Variants in LMX1B observed in about 807,000 individuals in gnomAD.
LMX1B encodes the protein LIM homeobox transcription factor 1-beta.
Under a neutral mutation model 51.4 loss-of-function variants are expected in LMX1B, and 12 were observed. That is an observed-to-expected ratio of 0.23 (90% CI 0.15 to 0.38). The LOEUF is 0.38. Among genes scored for constraint, LMX1B ranks in the 10% least tolerant of loss-of-function variants. The pLI is 1.00. For synonymous variants in LMX1B, 237 were observed against 235.4 expected (o/e 1.01, Z -0.06); for missense variants, 445 against 571.1 (o/e 0.78, Z 2.25).
rs1032859554 is a variant in LMX1B, at chr9:126,613,930, C to G, written c.-520C>G. On this transcript the variant is annotated 5_prime_UTR_variant, in exon 1 of 8. Transcript: ENST00000373474. The surrounding 1 kb of genome is among the most constrained non-coding windows in gnomAD (Gnocchi z 4.5). ...GCGGCCCGTATCCCTCCGCCGCCAG[C>G]CCCAGCTCTAAACCCGGCGGCTCAG... Among the ~76,000 whole-genome samples, 11 of 146,872 alleles carry G rather than the reference C, an allele frequency of 7.5e-5. No individual in the cohort carries two copies. The highest frequency in any genetic ancestry group is 2.0e-4 in the African/African-American group (8 of 40,948).
At chr9:126,645,064 G>A (rs923109042) in intron 2 of LMX1B, among the ~76,000 whole-genome samples, 6 of 152,174 alleles carry the variant, frequency 3.9e-5, no homozygotes, top group Middle Eastern at 3.2e-3. Context: ...GTCCTGCCAC[G>A]CTGTGTTGTT....
intron 2 of LMX1B, among the ~76,000 whole-genome samples, chr9:126,675,822 G>A (rs1007722352): frequency 2.0e-5 from 3 of 151,336 alleles, no homozygotes; most frequent in African/African-American, 7.3e-5. Flanking sequence ...GGCCGAGGCG[G>A]GCGGATCACG....
chr9:126,689,460 G>A (rs1039698804), intron 2 of LMX1B, among the ~76,000 whole-genome samples: 2 of 152,254 alleles, frequency 1.3e-5, no homozygotes, highest in Admixed American at 6.5e-5. Context: ...GGTGGCGCCC[G>A]CAGACATGGC....
In LMX1B at chr9:126,700,324, T is replaced by A. The variant is rs2030497232; in HGVS notation, c.*3873T>A. 1 of 152,196 alleles carries A rather than the reference T, an allele frequency of 6.6e-6. No individual in the cohort carries two copies. The highest frequency in any genetic ancestry group is 6.5e-5 in the Admixed American group (1 of 15,286). 9.4% of individuals were successfully genotyped at this position (152,196 alleles called of 1,614,324 possible). ...GGGAAGGCCCTGGCGCTGCATCAGA[T>A]GAGCAGGGCCTGGCAGGGACAAGCC... is the stretch of plus-strand genomic sequence containing the variant. On this transcript the variant is annotated 3_prime_UTR_variant, in exon 8 of 8. Transcript: ENST00000373474.
intron 3 of LMX1B, among the ~76,000 whole-genome samples, chr9:126,692,629 T>C (rs1240001358): frequency 4.6e-5 from 7 of 152,242 alleles, no homozygotes. Context: ...TGAGTGTGCA[T>C]CTTACGAGTG....
intron 2 of LMX1B, among the ~76,000 whole-genome samples, chr9:126,646,760 C>T (rs968161669): frequency 6.6e-6 from 1 of 152,210 alleles, no homozygotes; most frequent in Non-Finnish European, 1.5e-5. Context: ...CTGTGCAGAC[C>T]CTGCCCTTTC....
chr9:126,638,943 G>C (rs1463615057), intron 2 of LMX1B, among the ~76,000 whole-genome samples: 1 of 152,096 alleles, frequency 6.6e-6, no homozygotes, highest in South Asian at 2.1e-4. Flanking sequence ...TCCTAGGTGC[G>C]GACTGAGGGA....
At chr9:126,653,419 GT>G (rs1429608658) in intron 2 of LMX1B, among the ~76,000 whole-genome samples, 2 of 152,130 alleles carry the variant, frequency 1.3e-5, no homozygotes, top group African/African-American at 4.8e-5. Context: ...ACCTCCCGAA[GT>G]GTTGGGATTA....
At chr9:126,616,453 C>G (rs946491388) in intron 2 of LMX1B, among the ~76,000 whole-genome samples, 1 of 152,198 alleles carries the variant, frequency 6.6e-6, no homozygotes, top group East Asian at 1.9e-4. Context: ...CTTTTGACCT[C>G]CTGGGTTTTC....
At chr9:126,638,200 G>A (rs1362773633) in intron 2 of LMX1B, among the ~76,000 whole-genome samples, 1 of 152,152 alleles carries the variant, frequency 6.6e-6, no homozygotes, top group Non-Finnish European at 1.5e-5. Context: ...TCCCTGGCAG[G>A]TGGGTCCCGA....
At position 126,625,696 on chromosome 9, in the gene LMX1B, TCGCCACCTCCGCCGCCGC is replaced by T. The variant is rs1835512744; in HGVS notation, c.326+10132_326+10149del. 6.6e-6 allele frequency among the ~76,000 whole-genome samples: 1 copy of T among 152,138 alleles called. No individual in the cohort carries two copies. Reference sequence around the variant, plus strand: ...CTCCGCCAGGCCCGTGGCGCCTTTCTCGCCACCTCCGCCGCCGCCGCCGCCACCCTCGTCCCACCGTTT... The same window carrying T: ...CTCCGCCAGGCCCGTGGCGCCTTTCTCGCCGCCACCCTCGTCCCACCGTTT... On this transcript the variant is annotated intron_variant, in intron 2 of 7. Coordinates refer to ENST00000373474, the MANE Select transcript of LMX1B (RefSeq NM_001174147.2). This position sits in a 1 kb window ranked among gnomAD's most constrained non-coding sequence, Gnocchi z 5.3.
rs1338984439 is a variant in LMX1B at position 126,690,837 on chromosome 9, C to A, written c.328C>A (p.Leu110Ile). The change falls in exon 3 of 8, where the codon CTC becomes ATC. Residue 110 changes from leucine to isoleucine, a missense_variant and splice_region_variant. Transcript: ENST00000373474. Reference protein sequence around the residue: ...KLYCKQDYQQLFAAKCSGCME... With the variant: ...KLYCKQDYQQIFAAKCSGCME... ...CACGCCCGCTTTGTGCATCCGCAGG[C>A]TCTTCGCGGCCAAGTGCAGCGGCTG... The A allele has an allele frequency of 1.2e-6, 2 of 1,607,806 alleles. No individual in the cohort carries two copies. Among genetic ancestry groups the A allele is most frequent in the Non-Finnish European group, 1.7e-6 (2 of 1,178,520 alleles).
chr9:126,646,804 C>T (rs1394356459), intron 2 of LMX1B, among the ~76,000 whole-genome samples: 3 of 152,222 alleles, frequency 2.0e-5, no homozygotes, highest in Non-Finnish European at 4.4e-5. Context: ...CCTGTTCATA[C>T]TCACCCTCTG....
At chr9:126,631,749 C>T (rs139486176) in intron 2 of LMX1B, among the ~76,000 whole-genome samples, 65 of 152,312 alleles carry the variant, frequency 4.3e-4, no homozygotes, top group Non-Finnish European at 8.4e-4. Context: ...TACCACTTCC[C>T]GCTGTGTGAC....
chr9:126,677,613 G>C lies in LMX1B; in HGVS notation c.327-13223G>C, dbSNP rs1293717510. ...TTCACCAGCCGGGTGACCTGTGTAA[G>C]GAAGAGACTCCTACCTCCGGTAGTG... is the stretch of plus-strand genomic sequence containing the variant. On this transcript the variant is annotated intron_variant, in intron 2 of 7. Coordinates refer to ENST00000373474, the MANE Select transcript of LMX1B (RefSeq NM_001174147.2). The surrounding 1 kb of genome is among the most constrained non-coding windows in gnomAD (Gnocchi z 5.0). Among the ~76,000 whole-genome samples, 1 of 152,188 alleles carries C rather than the reference G, an allele frequency of 6.6e-6. No individual in the cohort carries two copies. Among genetic ancestry groups the C allele is most frequent in the African/African-American group, 2.4e-5 (1 of 41,444 alleles).
rs1304080026 is a variant in LMX1B, at chr9:126,673,714, A to T, written c.327-17122A>T. On this transcript the variant is annotated intron_variant, in intron 2 of 7. Coordinates refer to ENST00000373474, the MANE Select transcript of LMX1B (RefSeq NM_001174147.2). This position sits in a 1 kb window ranked among gnomAD's most constrained non-coding sequence, Gnocchi z 4.4. Reference sequence around the variant, plus strand: ...TCCTGGGCGCCTCACCTCCTCCCTGACTCCTGGAGACTCCCAGCCCCTGTC... The same window carrying T: ...TCCTGGGCGCCTCACCTCCTCCCTGTCTCCTGGAGACTCCCAGCCCCTGTC... Among the ~76,000 whole-genome samples, 1 of 150,198 alleles carries T rather than the reference A, an allele frequency of 6.7e-6. No individual in the cohort carries two copies. Among genetic ancestry groups the T allele is most frequent in the African/African-American group, 2.5e-5 (1 of 40,644 alleles).
At position 126,689,473 on chromosome 9, in the gene LMX1B, G is replaced by A. The variant is rs189225664; in HGVS notation, c.327-1363G>A. Among the ~76,000 whole-genome samples the A allele has an allele frequency of 1.3e-4, 20 of 152,368 alleles. No homozygotes were observed. In the East Asian group the frequency reaches 2.5e-3, roughly 19 times the overall value. ...AAGGTGGCGCCCGCAGACATGGCCC[G>A]GGGACGCCGGGAATGAAAAATGGTT... On this transcript the variant is annotated intron_variant, in intron 2 of 7. Coordinates refer to ENST00000373474, the MANE Select transcript of LMX1B (RefSeq NM_001174147.2).
intron 3 of LMX1B, among the ~76,000 whole-genome samples, 163 bp downstream of exon 3, chr9:126,691,231 C>A (rs1421368615): frequency 6.6e-6 from 1 of 152,156 alleles, no homozygotes; most frequent in South Asian, 2.1e-4. Context: ...ACGTGTCCAC[C>A]TGTGTGCACA....
In LMX1B at chr9:126,614,445, G is replaced by A. The variant is rs1835259314; in HGVS notation, c.-5G>A. On this transcript the variant is annotated 5_prime_UTR_variant, in exon 1 of 8. Transcript: ENST00000373474. ...CGGCGGGGTCCGCAGCGCGCCCCGCGTCCCATGGATATAGCAACAGGTCCC... is the reference window on the plus strand; with the variant it reads ...CGGCGGGGTCCGCAGCGCGCCCCGCATCCCATGGATATAGCAACAGGTCCC... The A allele has an allele frequency of 3.3e-6, 5 of 1,500,976 alleles. No homozygotes were observed. The African/African-American group carries it at 4.3e-5, about 13-fold the overall frequency. The allele number at this position is 1,500,976 out of a possible 1,614,324, so 93.0% of individuals were successfully genotyped here. A position where few individuals can be genotyped will look rare whatever the true frequency, so the allele number is the denominator to read the frequency against.
Sources: gnomAD v4.1 joint callset for allele counts (sites outside exome capture counted in the v4.1 genomes callset) on GRCh38, gnomAD v4.1.1 for gene constraint, Gnocchi (gnomAD v3.1) non-coding constraint, MANE v1.5 for transcripts, NCBI Gene and HGNC (gene_info 2026-07-23, HGNC 2026-07-21) for gene names.